The following RASAL2 variants were observed in gnomAD, a reference collection of about 807,000 sequenced individuals.
RASAL2 encodes the protein RAS protein activator like 2.
A neutral mutation model predicts 128.9 loss-of-function variants in RASAL2; 58 were observed. The observed-to-expected ratio is 0.45, with a 90% CI of 0.36 to 0.56. The LOEUF is 0.56. Ranked by LOEUF, RASAL2 falls within the 20% of genes least tolerant of loss-of-function variation. The probability of loss-of-function intolerance (pLI) is 0.00; values close to 1 mark genes in which losing one functional copy is unlikely to be tolerated. For missense variants in RASAL2, 1,360 were observed against 1,601.6 expected, an observed-to-expected ratio of 0.85 and a Z score of 2.57; for synonymous variants, 561 against 580.8, an observed-to-expected ratio of 0.97 and a Z score of 0.49.
chr1:178,373,919 G>A (rs567605608), intron 3 of RASAL2, among the ~76,000 whole-genome samples: 1 of 152,078 alleles, frequency 6.6e-6, no homozygotes, highest in African/African-American at 2.4e-5. Flanking sequence ...TTGACTTCTG[G>A]GTAGTCAATT....
chr1:178,144,982 C>CTT (rs1660668786), intron 1 of RASAL2, among the ~76,000 whole-genome samples: 1 of 152,164 alleles, frequency 6.6e-6, no homozygotes, highest in Non-Finnish European at 1.5e-5. Context: ...GTAAGTTTAA[C>CTT]ATCTTTGTAA....
At chr1:178,277,032 C>CA (rs1243881140) in intron 1 of RASAL2, among the ~76,000 whole-genome samples, 13 of 150,950 alleles carry the variant, frequency 8.6e-5, no homozygotes, top group African/African-American at 3.2e-4. Flanking sequence ...CCTGTAGTCT[C>CA]AGCTACTCGG....
Position 178,466,087 on chromosome 1 carries a change from A to C in RASAL2, c.3555A>C (p.Glu1185Asp), listed in dbSNP as rs752641661. Residue 1185 changes from glutamate (E) to aspartate (D), a missense_variant, in exon 16 of 18, where the codon GAA (glutamate) becomes GAC (aspartate). Glu to Asp is a conservative substitution (Grantham distance 45, BLOSUM62 2). This residue lies in a region of RASAL2 where 741 missense variants were observed against 868.6 expected (regional missense o/e 0.85). Coordinates refer to ENST00000367649, the MANE Select transcript of RASAL2 (RefSeq NM_170692.4). ...AGGAGCGGCTCCGAAGACAGCAGGA[A>C]GAAAAAGATAGCCAGATGAAAAGCA... ...DSEERLRRQQ[E>D]EKDSQMKSII... is the part of the protein sequence containing the mutation. 5 of 1,575,044 alleles carry C rather than the reference A, an allele frequency of 3.2e-6. No homozygotes were observed. In the South Asian group the frequency reaches 5.8e-5, roughly 18 times the overall value.
At chr1:178,362,968 G>A (rs1376939233) in intron 3 of RASAL2, among the ~76,000 whole-genome samples, 1 of 151,944 alleles carries the variant, frequency 6.6e-6, no homozygotes, top group Non-Finnish European at 1.5e-5. Context: ...AATGAATATG[G>A]GAATGCAGAT....
intron 1 of RASAL2, among the ~76,000 whole-genome samples, chr1:178,133,376 G>A (rs541494141): frequency 6.6e-6 from 1 of 152,150 alleles, no homozygotes; most frequent in African/African-American, 2.4e-5. Flanking sequence ...AGTAAACCTA[G>A]CAACTCTATG....
At chr1:178,107,928 A>G (rs1297811862) in intron 1 of RASAL2, among the ~76,000 whole-genome samples, 1 of 152,086 alleles carries the variant, frequency 6.6e-6, no homozygotes, top group Non-Finnish European at 1.5e-5. Flanking sequence ...TTGGTATACA[A>G]ATATCTGTTT....
intron 3 of RASAL2, among the ~76,000 whole-genome samples, chr1:178,305,557 A>G (rs900309483): frequency 2.0e-5 from 3 of 152,204 alleles, no homozygotes; most frequent in African/African-American, 7.2e-5. Flanking sequence ...AGAATATTCA[A>G]GAATGTTGGC....
chr1:178,334,242 A>T (rs1364536018), intron 3 of RASAL2, among the ~76,000 whole-genome samples: 2 of 152,088 alleles, frequency 1.3e-5, no homozygotes, highest in African/African-American at 4.8e-5. Flanking sequence ...TTATTTAATG[A>T]GATTTTCAAA....
chr1:178,262,237 G>T (rs553384121), intron 1 of RASAL2, among the ~76,000 whole-genome samples: 2 of 152,284 alleles, frequency 1.3e-5, no homozygotes, highest in South Asian at 4.1e-4. Flanking sequence ...GTGCTCTTGG[G>T]CTTTGTATAA....
At chr1:178,459,108 C>T (rs1677991701) in intron 14 of RASAL2, among the ~76,000 whole-genome samples, 2 of 152,140 alleles carry the variant, frequency 1.3e-5, no homozygotes, top group Admixed American at 1.3e-4. Flanking sequence ...GATAGAAGCA[C>T]AGGTGGAAAA....
At chr1:178,460,328 T>C (rs533717269) in intron 14 of RASAL2, among the ~76,000 whole-genome samples, 1 of 152,186 alleles carries the variant, frequency 6.6e-6, no homozygotes, top group Non-Finnish European at 1.5e-5. Flanking sequence ...TGCTTACCCT[T>C]TCCTTCTGTA....
At chr1:178,387,435 A>G (rs1672643852) in intron 3 of RASAL2, among the ~76,000 whole-genome samples, 1 of 152,030 alleles carries the variant, frequency 6.6e-6, no homozygotes, top group African/African-American at 2.4e-5. Context: ...CAGGTTTGTT[A>G]CATATGTATA....
In RASAL2 at chr1:178,307,276, T is replaced by A. The variant is rs566000102; in HGVS notation, c.457+7158T>A. Among the ~76,000 whole-genome samples, 59 of 151,496 alleles carry A rather than the reference T, an allele frequency of 3.9e-4. 1 individual carries two copies. Among genetic ancestry groups the A allele is most frequent in the Admixed American group, 6.6e-4 (10 of 15,220 alleles). ...TTAAATAAAATATACTAATTACTTT[T>A]AAAAAAAAAATTTTTTTCCACTGAA... On this transcript the variant is annotated intron_variant, in intron 3 of 17. Transcript: ENST00000367649.
intron 3 of RASAL2, among the ~76,000 whole-genome samples, chr1:178,308,181 A>G (rs1195628869): frequency 6.6e-6 from 1 of 152,138 alleles, no homozygotes; most frequent in East Asian, 1.9e-4. Context: ...AACATTTGGT[A>G]AATACATTTA....
rs896236623 is a variant in RASAL2, at chr1:178,094,401, T to C, written c.-92T>C. The C allele has an allele frequency of 1.3e-5, 16 of 1,232,156 alleles. No individual in the cohort carries two copies. The African/African-American group carries it at 2.1e-4, about 16-fold the overall frequency. 76.3% of individuals were successfully genotyped at this position (1,232,156 alleles called of 1,614,324 possible). ...TCGGGTCCCTGCCCTCGCTGCGCGC[T>C]CTCCTCCTCCCCTTACCGCAGGCAG... On this transcript the variant is annotated 5_prime_UTR_variant, in exon 1 of 18. Transcript: ENST00000367649.
At chr1:178,168,831 C>A (rs1016819316) in intron 1 of RASAL2, among the ~76,000 whole-genome samples, 3 of 151,976 alleles carry the variant, frequency 2.0e-5, no homozygotes, top group African/African-American at 7.3e-5. Flanking sequence ...AGTTTGTCAC[C>A]GAGTGTTTTG....
At chr1:178,110,183 G>T (rs1659243133) in intron 1 of RASAL2, among the ~76,000 whole-genome samples, 1 of 152,026 alleles carries the variant, frequency 6.6e-6, no homozygotes, top group Admixed American at 6.6e-5. Context: ...GCATCCCTTT[G>T]TAATTCCCCC....
At chr1:178,255,820 ATAG>A (rs1443334136) in intron 1 of RASAL2, among the ~76,000 whole-genome samples, 1 of 152,190 alleles carries the variant, frequency 6.6e-6, no homozygotes, top group East Asian at 1.9e-4. Flanking sequence ...AAAAGGTAAA[ATAG>A]TAGATATAAA....
chr1:178,399,903 A>G (rs1673503422), intron 4 of RASAL2, among the ~76,000 whole-genome samples: 1 of 152,160 alleles, frequency 6.6e-6, no homozygotes, highest in African/African-American at 2.4e-5. Context: ...TCTAAAATCT[A>G]AACTCCATCA....
Sources: allele counts gnomAD v4.1 joint callset (sites outside exome capture counted in the v4.1 genomes callset), GRCh38; gene constraint gnomAD v4.1.1; regional missense constraint gnomAD v4.1.1; transcripts MANE v1.5; gene names NCBI Gene and HGNC (gene_info 2026-07-23, HGNC 2026-07-21).